Variants in SNX7 observed in about 807,000 individuals in gnomAD.
SNX7 encodes the protein sorting nexin 7.
In SNX7, 35 loss-of-function variants were observed where a neutral mutation model predicts 48.4. That is an observed-to-expected ratio of 0.72 (90% CI 0.55 to 0.96). The LOEUF is 0.96. SNX7 is among the 40% of genes least tolerant of loss of function. The pLI is 0.00. For missense variants in SNX7, 553 were observed against 548.9 expected (o/e 1.01, Z -0.07); for synonymous variants, 190 against 190.2 (o/e 1.00, Z 0.01).
chr1:98,704,084 A>AT (rs1468385432), intron 7 of SNX7, among the ~76,000 whole-genome samples: 2 of 152,004 alleles, frequency 1.3e-5, no homozygotes, highest in Admixed American at 6.6e-5. Flanking sequence ...AAAAAAAAAA[A>AT]CACATTATTT....
chr1:98,757,047 A>G (rs908347625), intron 8 of SNX7, among the ~76,000 whole-genome samples: 14 of 151,890 alleles, frequency 9.2e-5, no homozygotes, highest in Admixed American at 6.6e-5. Context: ...CACCACCTCC[A>G]CCACTCCTGC....
At chr1:98,724,385 TTG>T (rs2101012279) in intron 7 of SNX7, among the ~76,000 whole-genome samples, 1 of 151,978 alleles carries the variant, frequency 6.6e-6, no homozygotes, top group East Asian at 1.9e-4. Flanking sequence ...ATGCCGCTTT[TTG>T]TATCAAAGTT....
At chr1:98,675,623 T>A (rs1650119862) in intron 1 of SNX7, among the ~76,000 whole-genome samples, 1 of 152,198 alleles carries the variant, frequency 6.6e-6, no homozygotes, top group African/African-American at 2.4e-5. Context: ...GCAAAAAGAA[T>A]GCCAAAGCAC....
At chr1:98,730,002 A>T (rs1355290928) in intron 7 of SNX7, among the ~76,000 whole-genome samples, 6 of 152,180 alleles carry the variant, frequency 3.9e-5, no homozygotes, top group Admixed American at 3.9e-4. Flanking sequence ...TCAGTGTGAA[A>T]ATCCTCAGTA....
At chr1:98,679,675 C>T (rs1226333926) in intron 1 of SNX7, among the ~76,000 whole-genome samples, 1 of 152,176 alleles carries the variant, frequency 6.6e-6, no homozygotes, top group Non-Finnish European at 1.5e-5. Flanking sequence ...CAGGCTCATG[C>T]AAGTCTGAAA....
At position 98,757,296 on chromosome 1, in the gene SNX7, C is replaced by G. The variant is rs577235603; in HGVS notation, c.1279-2758C>G. 1.2e-4 allele frequency among the ~76,000 whole-genome samples: 19 copies of G among 152,190 alleles called. No individual in the cohort carries two copies. The East Asian group carries it at 2.3e-3, about 19-fold the overall frequency. ...AATTCCAAAGACTAGGTGGCTTAAA[C>G]AACAGAAATTTGTTTCCTCACAATT... On this transcript the variant is annotated intron_variant, in intron 8 of 8. Coordinates refer to ENST00000306121, the MANE Select transcript of SNX7 (RefSeq NM_015976.5).
intron 8 of SNX7, among the ~76,000 whole-genome samples, chr1:98,751,371 T>G (rs1437887172): frequency 6.6e-6 from 1 of 152,084 alleles, no homozygotes; most frequent in African/African-American, 2.4e-5. Context: ...GAATTAAAAC[T>G]TAATTTTCTA....
At chr1:98,739,259 C>T (rs2101036442) in intron 8 of SNX7, among the ~76,000 whole-genome samples, 1 of 152,256 alleles carries the variant, frequency 6.6e-6, no homozygotes, top group Non-Finnish European at 1.5e-5. Flanking sequence ...GTAATGCTCA[C>T]CCGCCGCTCA....
At chr1:98,681,469 C>T (rs974533202) in intron 1 of SNX7, among the ~76,000 whole-genome samples, 1 of 152,238 alleles carries the variant, frequency 6.6e-6, no homozygotes, top group East Asian at 1.9e-4. Context: ...AAAATGTAAT[C>T]ATAATTCACT....
chr1:98,693,324 A>G (rs1175286234), intron 4 of SNX7, among the ~76,000 whole-genome samples: 2 of 152,204 alleles, frequency 1.3e-5, no homozygotes, highest in Admixed American at 6.5e-5. Context: ...CTATAAAGCT[A>G]TAACTCTGCA....
chr1:98,748,855 C>T (rs1371483572), intron 8 of SNX7, among the ~76,000 whole-genome samples: 1 of 152,084 alleles, frequency 6.6e-6, no homozygotes, highest in Non-Finnish European at 1.5e-5. Flanking sequence ...TTCACATACA[C>T]CCCTTACAAG....
intron 5 of SNX7, 51 bp downstream of exon 5, chr1:98,695,767 A>T (rs1395151026): frequency 7.8e-7 from 1 of 1,283,828 alleles, no homozygotes; most frequent in Admixed American, 1.7e-5. Context: ...TTTCTGATGA[A>T]TCTTCACATT....
chr1:98,696,980 G>A (rs1651490912), intron 5 of SNX7, among the ~76,000 whole-genome samples: 2 of 152,056 alleles, frequency 1.3e-5, no homozygotes, highest in African/African-American at 4.8e-5. Flanking sequence ...CTAACTAAAT[G>A]TTTGCATACA....
At chr1:98,680,007 C>A (rs1309421213) in intron 1 of SNX7, among the ~76,000 whole-genome samples, 1 of 152,308 alleles carries the variant, frequency 6.6e-6, no homozygotes, top group East Asian at 1.9e-4. Context: ...CCCACATTTC[C>A]CTTTTGTACT....
At chr1:98,686,367 GGGTTGCAGTAGAATAAGTAATC>G (rs1385511903) in intron 2 of SNX7, among the ~76,000 whole-genome samples, 10 of 151,994 alleles carry the variant, frequency 6.6e-5, no homozygotes, top group Non-Finnish European at 1.5e-4. Context: ...CACTTCTGTA[GGGTTGCAGTAGAATAAGTAATC>G]AATGCACACC....
chr1:98,717,458 G>A (rs978090352), intron 7 of SNX7, among the ~76,000 whole-genome samples: 7 of 152,164 alleles, frequency 4.6e-5, no homozygotes, highest in African/African-American at 1.2e-4. Context: ...CTTCAAAACT[G>A]TATTCCAAGA....
intron 1 of SNX7, among the ~76,000 whole-genome samples, chr1:98,667,304 GA>G (rs1476951003): frequency 2.0e-5 from 3 of 152,150 alleles, no homozygotes; most frequent in Non-Finnish European, 4.4e-5. Flanking sequence ...ATGAAGTTCT[GA>G]AGAAAGCTCC....
chr1:98,664,421 G>A (rs573870025), intron 1 of SNX7, among the ~76,000 whole-genome samples: 16 of 152,158 alleles, frequency 1.1e-4, no homozygotes, highest in East Asian at 9.7e-4. Flanking sequence ...CTAGCTAACC[G>A]GGAAGCTGAG....
chr1:98,739,884 A>C (rs1384671905), intron 8 of SNX7, among the ~76,000 whole-genome samples: 3 of 152,188 alleles, frequency 2.0e-5, no homozygotes, highest in African/African-American at 7.2e-5. Flanking sequence ...GGAGCCATTG[A>C]GTAGTTTTCA....
Sources: gnomAD v4.1 joint callset for allele counts (sites outside exome capture counted in the v4.1 genomes callset) on GRCh38, gnomAD v4.1.1 for gene constraint, MANE v1.5 for transcripts, NCBI Gene and HGNC (gene_info 2026-07-23, HGNC 2026-07-21) for gene names.